The following ARHGAP26 variants were observed in gnomAD, a reference collection of about 807,000 sequenced individuals.
The protein encoded by ARHGAP26 is Rho GTPase activating protein 26.
A neutral mutation model predicts 104.8 loss-of-function variants in ARHGAP26; 38 were observed. The ratio of observed to expected loss-of-function variants is 0.36; its 90% CI spans 0.28 to 0.48. The LOEUF (loss-of-function observed/expected upper bound fraction) is 0.48. Ranked by LOEUF, ARHGAP26 falls within the 20% of genes least tolerant of loss-of-function variation. ARHGAP26 has a pLI of 0.99. For missense variants in ARHGAP26, 704 were observed against 947.9 expected, an observed-to-expected ratio of 0.74 and a Z score of 3.38; for synonymous variants, 341 against 340.0, an observed-to-expected ratio of 1.00 and a Z score of -0.03.
At position 143,223,143 on chromosome 5, in the gene ARHGAP26, A is replaced by G. The variant is rs547732651; in HGVS notation, c.*697A>G. ...TCTCTGCCACCAAGGGCTGCCATCC[A>G]TCGCCTAGTAACCACGGCAACCCAA... On this transcript the variant is annotated 3_prime_UTR_variant, in exon 23 of 23. Coordinates refer to ENST00000645722, the MANE Select transcript of ARHGAP26 (RefSeq NM_001135608.3). 1.3e-4 allele frequency: 30 copies of G among 233,586 alleles called. No individual in the cohort carries two copies. In the East Asian group the frequency reaches 1.7e-3, roughly 13 times the overall value. 14.5% of individuals were successfully genotyped at this position (233,586 alleles called of 1,614,324 possible).
chr5:142,964,405 T>C (rs970938951), intron 11 of ARHGAP26, among the ~76,000 whole-genome samples: 1 of 152,218 alleles, frequency 6.6e-6, no homozygotes, highest in Non-Finnish European at 1.5e-5. Flanking sequence ...CGTATCCTAC[T>C]ACCTATATCA....
intron 1 of ARHGAP26, among the ~76,000 whole-genome samples, chr5:142,854,235 T>C (rs141011038): frequency 6.6e-6 from 1 of 152,348 alleles, no homozygotes; most frequent in African/African-American, 2.4e-5. Flanking sequence ...TCTCTGTTGC[T>C]GATAAACCAC....
rs562193641 is a variant in ARHGAP26 at position 143,213,613 on chromosome 5, T to G, written c.2100-384T>G. Among the ~76,000 whole-genome samples, 90 of 152,264 alleles carry G rather than the reference T, an allele frequency of 5.9e-4. 1 individual carries two copies. Among genetic ancestry groups the G allele is most frequent in the African/African-American group, 2.1e-3 (87 of 41,540 alleles). ...TCAACAGGTTCTGTTGGGAGTGTGTTCCCCAGAGCAGCTTGGAACTTCTTT... is the reference window on the plus strand; with the variant it reads ...TCAACAGGTTCTGTTGGGAGTGTGTGCCCCAGAGCAGCTTGGAACTTCTTT... On this transcript the variant is annotated intron_variant, in intron 21 of 22. Coordinates refer to ENST00000645722, the MANE Select transcript of ARHGAP26 (RefSeq NM_001135608.3).
chr5:142,927,154 TA>T (rs1049497993), intron 10 of ARHGAP26, among the ~76,000 whole-genome samples: 39 of 152,092 alleles, frequency 2.6e-4, no homozygotes, highest in African/African-American at 8.7e-4. Context: ...CTTGGGTATT[TA>T]AAACGATTTT....
chr5:143,141,011 C>G (rs1382601325), intron 19 of ARHGAP26, among the ~76,000 whole-genome samples: 1 of 152,220 alleles, frequency 6.6e-6, no homozygotes, highest in Non-Finnish European at 1.5e-5. Context: ...AGCATGTGCC[C>G]TTTCTCAGGT....
chr5:142,964,462 A>G (rs956568625), intron 11 of ARHGAP26, among the ~76,000 whole-genome samples: 1 of 152,196 alleles, frequency 6.6e-6, no homozygotes, highest in African/African-American at 2.4e-5. Context: ...TTAAATGGCA[A>G]CAAAACTATA....
At chr5:143,150,448 G>C (rs773517604) in intron 20 of ARHGAP26, among the ~76,000 whole-genome samples, 1 of 152,166 alleles carries the variant, frequency 6.6e-6, no homozygotes, top group African/African-American at 2.4e-5. Context: ...ACACTAGGTC[G>C]AAGTAGTGGA....
intron 17 of ARHGAP26, among the ~76,000 whole-genome samples, chr5:143,065,456 T>G (rs182682470): frequency 1.3e-5 from 2 of 152,314 alleles, no homozygotes; most frequent in African/African-American, 4.8e-5. Context: ...GTATATGAAG[T>G]TAATCCATGG....
At chr5:142,952,304 C>T (rs1175281090) in intron 11 of ARHGAP26, among the ~76,000 whole-genome samples, 1 of 152,178 alleles carries the variant, frequency 6.6e-6, no homozygotes, top group Non-Finnish European at 1.5e-5. Flanking sequence ...CATATGCCAT[C>T]TTTGCTGCCA....
At chr5:143,013,276 T>C (rs1779139127) in intron 11 of ARHGAP26, among the ~76,000 whole-genome samples, 1 of 152,212 alleles carries the variant, frequency 6.6e-6, no homozygotes, top group Non-Finnish European at 1.5e-5. Flanking sequence ...TTACTTTCTA[T>C]CTTGTTGTAG....
chr5:143,086,383 G>C (rs558063801), intron 17 of ARHGAP26, among the ~76,000 whole-genome samples: 1 of 150,710 alleles, frequency 6.6e-6, no homozygotes, highest in Admixed American at 6.6e-5. Flanking sequence ...ACTTTTGCCA[G>C]CACACTTGGT....
chr5:142,810,075 G>C (rs915881486), intron 1 of ARHGAP26, among the ~76,000 whole-genome samples: 1 of 152,188 alleles, frequency 6.6e-6, no homozygotes, highest in Admixed American at 6.5e-5. Flanking sequence ...CTCACCCTTA[G>C]CTGCCCTGCA....
chr5:143,061,748 A>C (rs1786742170), intron 17 of ARHGAP26, among the ~76,000 whole-genome samples: 1 of 152,122 alleles, frequency 6.6e-6, no homozygotes, highest in Non-Finnish European at 1.5e-5. Flanking sequence ...GACTCAGGTT[A>C]TTTTCATGTT....
chr5:143,183,853 A>C (rs1238694583), intron 20 of ARHGAP26, among the ~76,000 whole-genome samples: 1 of 152,118 alleles, frequency 6.6e-6, no homozygotes. Flanking sequence ...ATGCTGGTGG[A>C]GAATATAGTA....
chr5:143,147,417 C>T, intron 20 of ARHGAP26, 36 bp downstream of exon 20: 1 of 1,594,008 alleles, frequency 6.3e-7, no homozygotes, highest in Non-Finnish European at 8.5e-7. Context: ...CCCACAAGGG[C>T]TTTGGTCAGC....
At chr5:143,105,189 A>G (rs183461841) in intron 17 of ARHGAP26, among the ~76,000 whole-genome samples, 1,657 of 152,192 alleles carry the variant, frequency 0.011, 15 homozygotes, top group Non-Finnish European at 0.015. Context: ...CAGCTTGACC[A>G]ACATGGAGAA....
intron 17 of ARHGAP26, among the ~76,000 whole-genome samples, chr5:143,110,084 A>T (rs1794585173): frequency 1.3e-5 from 2 of 152,126 alleles, no homozygotes; most frequent in Non-Finnish European, 2.9e-5. Context: ...CTCCCTTCCC[A>T]GATGTCCTCA....
intron 1 of ARHGAP26, among the ~76,000 whole-genome samples, chr5:142,843,759 A>G (rs1471986404): frequency 6.6e-6 from 1 of 152,158 alleles, no homozygotes; most frequent in Non-Finnish European, 1.5e-5. Flanking sequence ...CATAACCTCT[A>G]CCTTCTTTCC....
intron 1 of ARHGAP26, among the ~76,000 whole-genome samples, chr5:142,828,774 A>G (rs1257231921): frequency 6.6e-6 from 1 of 152,090 alleles, no homozygotes; most frequent in African/African-American, 2.4e-5. Flanking sequence ...CTCTCTCCGC[A>G]TGCTCAGGGA....
Sources: allele counts gnomAD v4.1 joint callset (sites outside exome capture counted in the v4.1 genomes callset), GRCh38; gene constraint gnomAD v4.1.1; transcripts MANE v1.5; gene names NCBI Gene and HGNC (gene_info 2026-07-23, HGNC 2026-07-21).